The following RYR2 variants were observed in gnomAD, a reference collection of about 807,000 sequenced individuals.
RYR2 encodes the protein ryanodine receptor 2.
A neutral mutation model predicts 601.1 loss-of-function variants in RYR2; 227 were observed. That is an observed-to-expected ratio of 0.38 (90% CI 0.34 to 0.42). The LOEUF (loss-of-function observed/expected upper bound fraction) is 0.42, where lower values mean the gene tolerates loss of function less well. RYR2 is among the 10% of genes least tolerant of loss of function. The pLI, the probability that RYR2 is intolerant of heterozygous loss-of-function variation, is 1.00. For synonymous variants in RYR2, 2,223 were observed against 2,175.1 expected (o/e 1.02, Z -0.61); for missense variants, 4,646 against 6,156.5 (o/e 0.75, Z 8.21).
At position 237,141,809 on chromosome 1, in the gene RYR2, G is replaced by A. The variant is rs146431394; in HGVS notation, c.48+99240G>A. On this transcript the variant is annotated intron_variant, in intron 1 of 104. Transcript: ENST00000366574. The stretch of plus-strand genomic sequence containing the variant: ...CCCGGATCCTCTCCAGGATGTTTGG[G>A]TTCTCAGAAACACCTTCTTCTTGGC... Among the ~76,000 whole-genome samples, 848 of 152,286 alleles carry A rather than the reference G, an allele frequency of 5.6e-3. 9 individuals are homozygous for A. Among genetic ancestry groups the A allele is most frequent in the African/African-American group, 0.02 (815 of 41,558 alleles).
At chr1:237,645,021 C>A (rs573224420) in intron 48 of RYR2, among the ~76,000 whole-genome samples, 1 of 152,042 alleles carries the variant, frequency 6.6e-6, no homozygotes, top group African/African-American at 2.4e-5. Context: ...AGTGAAAGAG[C>A]GAAACTCTGT....
At position 237,659,974 on chromosome 1, in the gene RYR2, C is replaced by T. The variant is rs1032335005; in HGVS notation, c.8209-11C>T. 17 of 1,562,682 alleles carry T rather than the reference C, an allele frequency of 1.1e-5. No individual in the cohort carries two copies. The highest frequency in any genetic ancestry group is 1.4e-5 in the Non-Finnish European group (16 of 1,156,406). The stretch of plus-strand genomic sequence containing the variant: ...GTGTAAAACAATTTTTAATGTTTGC[C>T]TTTTTTTAAGTTGGCAAATGGATGG... On this transcript the variant is annotated splice_polypyrimidine_tract_variant and intron_variant, in intron 54 of 104. Transcript: ENST00000366574.
chr1:237,795,231 T>C (rs1658958828), intron 95 of RYR2, 58 bp from the exon 96 acceptor site: 1 of 786,030 alleles, frequency 1.3e-6, no homozygotes, highest in South Asian at 1.9e-5. Context: ...CCAAATGATA[T>C]GTTATTATTT....
chr1:237,390,042 T>A (rs905305730), intron 10 of RYR2, among the ~76,000 whole-genome samples: 5 of 152,014 alleles, frequency 3.3e-5, no homozygotes, highest in Non-Finnish European at 7.4e-5. Context: ...GGCAGAGAAA[T>A]AAGAGTCAGC....
At chr1:237,151,535 G>A (rs1312226163) in intron 1 of RYR2, among the ~76,000 whole-genome samples, 1 of 152,226 alleles carries the variant, frequency 6.6e-6, no homozygotes, top group South Asian at 2.1e-4. Context: ...AACTCAGTCA[G>A]AAAGATCTAA....
At chr1:237,636,361 G>A (rs1222754757) in intron 44 of RYR2, among the ~76,000 whole-genome samples, 7 of 152,040 alleles carry the variant, frequency 4.6e-5, no homozygotes, top group Non-Finnish European at 8.8e-5. Flanking sequence ...TTGAAGACAT[G>A]AAAGAGTGAA....
intron 1 of RYR2, among the ~76,000 whole-genome samples, chr1:237,264,076 AACACACATGCACATGCAC>A (rs1430499454): frequency 7.5e-6 from 1 of 133,708 alleles, no homozygotes; most frequent in Non-Finnish European, 1.6e-5. Flanking sequence ...TAAATGTACA[AACACACATGCACATGCAC>A]ACACACACAC....
chr1:237,399,232 A>G (rs1703127369), intron 10 of RYR2, among the ~76,000 whole-genome samples: 1 of 152,032 alleles, frequency 6.6e-6, no homozygotes, highest in African/African-American at 2.4e-5. Flanking sequence ...ACACACAGCA[A>G]CCTCAATGAA....
intron 2 of RYR2, among the ~76,000 whole-genome samples, chr1:237,325,116 A>G (rs73127289): frequency 0.15 from 22,250 of 152,074 alleles, 3,871 homozygotes; most frequent in African/African-American, 0.41. Context: ...GTCATGAGGT[A>G]GAGTGGGATC....
chr1:237,160,769 A>G (rs1185083947), intron 1 of RYR2, among the ~76,000 whole-genome samples: 1 of 152,166 alleles, frequency 6.6e-6, no homozygotes, highest in Non-Finnish European at 1.5e-5. Flanking sequence ...TTTTAAAAAA[A>G]ACCCAAAAGA....
intron 1 of RYR2, among the ~76,000 whole-genome samples, chr1:237,208,966 A>ATATATATGTG (rs1558428065): frequency 9.4e-5 from 10 of 105,900 alleles, no homozygotes; most frequent in African/African-American, 2.8e-4. Context: ...ATATATATAT[A>ATATATATGTG]TATATATATA....
chr1:237,224,966 G>A (rs1246914721), intron 1 of RYR2, among the ~76,000 whole-genome samples: 7 of 152,206 alleles, frequency 4.6e-5, no homozygotes, highest in African/African-American at 1.2e-4. Flanking sequence ...TTGGCAGAGA[G>A]GGATTTGAAC....
intron 1 of RYR2, among the ~76,000 whole-genome samples, chr1:237,213,693 G>C (rs1028755478): frequency 6.6e-6 from 1 of 151,864 alleles, no homozygotes; most frequent in African/African-American, 2.4e-5. Context: ...CTTTCCACGA[G>C]GTTTATAGTG....
At chr1:237,752,773 T>C (rs967838218) in intron 80 of RYR2, among the ~76,000 whole-genome samples, 7 of 152,192 alleles carry the variant, frequency 4.6e-5, no homozygotes, top group African/African-American at 1.7e-4. Flanking sequence ...TTTCGTATAA[T>C]ATTGATATTC....
intron 44 of RYR2, 100 bp downstream of exon 44, chr1:237,635,092 G>T: frequency 4.3e-6 from 4 of 933,758 alleles, no homozygotes; most frequent in South Asian, 2.6e-5. Context: ...AAGTCATTGT[G>T]GTTTTGCAAT....
chr1:237,681,943 G>T (rs1685921607), intron 62 of RYR2, among the ~76,000 whole-genome samples: 1 of 152,118 alleles, frequency 6.6e-6, no homozygotes, highest in South Asian at 2.1e-4. Flanking sequence ...TTTTAAATAG[G>T]AACTTTGTTC....
chr1:237,787,929 A>G (rs1300393365), intron 91 of RYR2, 59 bp from the exon 92 acceptor site: 1 of 1,495,490 alleles, frequency 6.7e-7, no homozygotes, highest in Non-Finnish European at 9.0e-7. Context: ...ATTTTCCACA[A>G]CACCCGTTTA....
At chr1:237,743,864 G>A (rs1056674620) in intron 80 of RYR2, among the ~76,000 whole-genome samples, 1 of 152,168 alleles carries the variant, frequency 6.6e-6, no homozygotes, top group Admixed American at 6.5e-5. Flanking sequence ...CTAACTTTGA[G>A]CTGCATACTG....
chr1:237,824,235 T>G (rs1275890153), intron 101 of RYR2, among the ~76,000 whole-genome samples: 1 of 152,062 alleles, frequency 6.6e-6, no homozygotes, highest in Admixed American at 6.6e-5. Flanking sequence ...AAAAGAAAAT[T>G]TCAGGCCAAT....
Sources: allele counts gnomAD v4.1 joint callset (sites outside exome capture counted in the v4.1 genomes callset), GRCh38; gene constraint gnomAD v4.1.1; transcripts MANE v1.5; gene names NCBI Gene and HGNC (gene_info 2026-07-23, HGNC 2026-07-21).